THADA: variants seen among roughly 807,000 people sequenced by gnomAD.
THADA encodes the protein tRNA (32-2'-O)-methyltransferase regulator THADA.
Under a neutral mutation model 219.8 loss-of-function variants are expected in THADA, and 213 were observed. The ratio of observed to expected loss-of-function variants is 0.97; its 90% CI spans 0.87 to 1.09. The LOEUF is 1.09. Among genes scored for constraint, THADA ranks in the 50% least tolerant of loss-of-function variants. The pLI is 0.00. For synonymous variants in THADA, 1,018 were observed against 828.9 expected (o/e 1.23, Z -3.92); for missense variants, 2,956 against 2,311.3 (o/e 1.28, Z -5.72).
At chr2:43,540,026 T>G (rs554732218) in intron 21 of THADA, among the ~76,000 whole-genome samples, 39 of 152,362 alleles carry the variant, frequency 2.6e-4, no homozygotes, top group Non-Finnish European at 2.1e-4. Context: ...CTAAATGTTT[T>G]AACTTGTCCT....
rs1436887871 is a variant in THADA, at chr2:43,350,820, C to G, written c.4228-6583G>C. On this transcript the variant is annotated intron_variant, in intron 29 of 37. Coordinates refer to ENST00000405975, the MANE Select transcript of THADA (RefSeq NM_022065.5). ...ACCTGTTTATTGGGTAAGAATACAT[C>G]CTTAGGATGGTCTTGCTAAGTCCCC... 3.3e-5 allele frequency among the ~76,000 whole-genome samples: 5 copies of G among 152,196 alleles called. No individual in the cohort carries two copies. In the East Asian group the frequency reaches 9.6e-4, roughly 29 times the overall value.
chr2:43,346,247 TA>T (rs1667613465), intron 29 of THADA, among the ~76,000 whole-genome samples: 2 of 152,202 alleles, frequency 1.3e-5, no homozygotes, highest in South Asian at 4.1e-4. Flanking sequence ...GTTTTTGAGA[TA>T]TTTTTCTTTA....
intron 17 of THADA, among the ~76,000 whole-genome samples, chr2:43,554,473 C>A (rs1697116546): frequency 6.6e-6 from 1 of 152,000 alleles, no homozygotes; most frequent in Admixed American, 6.6e-5. Flanking sequence ...AAGAAAAAGA[C>A]AAACAACCCT....
At chr2:43,240,418 G>A (rs1668500025) in intron 36 of THADA, among the ~76,000 whole-genome samples, 1 of 152,188 alleles carries the variant, frequency 6.6e-6, no homozygotes, top group Admixed American at 6.5e-5. Context: ...AGCAGGGGAA[G>A]AGCCTGAACT....
At chr2:43,469,268 G>A (rs1296014025) in intron 26 of THADA, among the ~76,000 whole-genome samples, 2 of 152,194 alleles carry the variant, frequency 1.3e-5, no homozygotes, top group Non-Finnish European at 2.9e-5. Flanking sequence ...TGATTAGAGT[G>A]TGTTTATTTG....
chr2:43,495,771 AT>A (rs1397724414), intron 25 of THADA, among the ~76,000 whole-genome samples: 1 of 152,172 alleles, frequency 6.6e-6, no homozygotes, highest in East Asian at 1.9e-4. Context: ...CAATATTGAT[AT>A]TTCTGACAAT....
At chr2:43,562,839 T>C (rs1558977993) in intron 15 of THADA, 1 of 152,238 alleles carries the variant, frequency 6.6e-6, no homozygotes, top group Non-Finnish European at 1.5e-5. Context: ...TCATGTAGGT[T>C]ATCTAACTTG....
intron 29 of THADA, among the ~76,000 whole-genome samples, chr2:43,374,621 C>G (rs201971381): frequency 6.6e-6 from 1 of 152,092 alleles, no homozygotes; most frequent in African/African-American, 2.4e-5. Context: ...GCATTCTATA[C>G]GAAGGAACCT....
intron 29 of THADA, among the ~76,000 whole-genome samples, chr2:43,350,190 G>A (rs1668091560): frequency 6.6e-6 from 1 of 152,134 alleles, no homozygotes; most frequent in Admixed American, 6.5e-5. Flanking sequence ...CATACAAACA[G>A]AACTGCAGGC....
intron 24 of THADA, 100 bp downstream of exon 24, chr2:43,505,522 C>T (rs1431135877): frequency 8.0e-6 from 7 of 873,306 alleles, no homozygotes; most frequent in Middle Eastern, 2.2e-4. Flanking sequence ...CCACTGTACT[C>T]CAGCCTGGGT....
chr2:43,549,272 C>T lies in THADA; in HGVS notation c.3044G>A (p.Ser1015Asn). The T allele has an allele frequency of 6.3e-7, 1 of 1,595,680 alleles. No homozygotes were observed. Among genetic ancestry groups the T allele is most frequent in the Non-Finnish European group, 8.5e-7 (1 of 1,170,744 alleles). The change falls in exon 20 of 38, where the codon AGC becomes AAC. Residue 1015 changes from serine to asparagine, a missense_variant. Physicochemically the swap from Ser to Asn is conservative, Grantham distance 46. Transcript: ENST00000405975. ...AGCATTCAAGTCCTTCATATCAAAG[C>T]TATCATGTTCTTTCAATATTTTGGC... The part of the protein sequence containing the change: ...NQAKILKEHD[S>N]FDMKDLNASV...
chr2:43,344,401 T>C (rs1477755201), intron 29 of THADA, among the ~76,000 whole-genome samples, 164 bp from the exon 30 acceptor site: 1 of 152,232 alleles, frequency 6.6e-6, no homozygotes, highest in African/African-American at 2.4e-5. Flanking sequence ...TTTTGGAGGA[T>C]GTAGCAGTGC....
intron 25 of THADA, among the ~76,000 whole-genome samples, chr2:43,489,622 T>A (rs1687361925): frequency 6.6e-6 from 1 of 152,136 alleles, no homozygotes; most frequent in Non-Finnish European, 1.5e-5. Flanking sequence ...CCGTACCATT[T>A]GTTGAAGGCT....
Position 43,586,448 on chromosome 2 carries a change from C to T in THADA, c.486G>A (p.Val162=). The T allele has an allele frequency of 6.4e-7, 1 of 1,572,024 alleles. No homozygotes were observed. Among genetic ancestry groups the T allele is most frequent in the Non-Finnish European group, 8.6e-7 (1 of 1,160,076 alleles). The change falls in exon 7 of 38, where the codon GTG becomes GTA. Residue 162 remains valine (V), a splice_region_variant and synonymous_variant. Coordinates refer to ENST00000405975, the MANE Select transcript of THADA (RefSeq NM_022065.5). ...TTAAACTCTTCTGCAGAAAATGAAG[C>T]ACTGAAACAAAAAGAATATGACAAA... is the stretch of plus-strand genomic sequence containing the variant. ...RASVNNLLKN[V]LHFLQKSLIE... is the part of the protein sequence containing the mutation.
intron 31 of THADA, among the ~76,000 whole-genome samples, chr2:43,297,596 T>G (rs1485982231): frequency 4.3e-5 from 3 of 70,082 alleles, no homozygotes; most frequent in South Asian, 5.3e-4. Flanking sequence ...GGGAGGGAGG[T>G]GGGGGGGTCA....
chr2:43,461,360 T>C (rs753363958), intron 26 of THADA, among the ~76,000 whole-genome samples: 121 of 152,292 alleles, frequency 7.9e-4, no homozygotes, highest in Admixed American at 1.6e-3. Flanking sequence ...TCACATACAC[T>C]TGAGTAAGTG....
intron 29 of THADA, among the ~76,000 whole-genome samples, chr2:43,389,118 G>C (rs1440785761): frequency 6.6e-6 from 1 of 152,146 alleles, no homozygotes; most frequent in Non-Finnish European, 1.5e-5. Flanking sequence ...TACAGAAGAA[G>C]TGGAGGCACA....
chr2:43,271,895 G>A (rs1007149209), intron 36 of THADA, among the ~76,000 whole-genome samples: 4 of 152,186 alleles, frequency 2.6e-5, no homozygotes, highest in African/African-American at 7.2e-5. Context: ...GATTACAGGC[G>A]TGAGCCACCA....
intron 25 of THADA, among the ~76,000 whole-genome samples, chr2:43,497,475 G>C (rs1688406332): frequency 1.3e-5 from 2 of 152,160 alleles, no homozygotes; most frequent in Admixed American, 6.5e-5. Context: ...TCATAATTGG[G>C]AGCTGAACAG....
Sources: gnomAD v4.1 joint callset for allele counts (sites outside exome capture counted in the v4.1 genomes callset) on GRCh38, gnomAD v4.1.1 for gene constraint, MANE v1.5 for transcripts, NCBI Gene and HGNC (gene_info 2026-07-23, HGNC 2026-07-21) for gene names.